PRPF19: variants seen among roughly 807,000 people sequenced by gnomAD.
The protein encoded by PRPF19 is pre-mRNA-processing factor 19.
A neutral mutation model predicts 64.2 loss-of-function variants in PRPF19; 2 were observed. The observed-to-expected ratio is 0.03, with a 90% CI of 0.01 to 0.10. The LOEUF (loss-of-function observed/expected upper bound fraction) is 0.10, where lower values mean the gene tolerates loss of function less well. PRPF19 is among the 10% of genes least tolerant of loss of function. The pLI, the probability that PRPF19 is intolerant of heterozygous loss-of-function variation, is 1.00. For missense variants in PRPF19, 314 were observed against 650.0 expected (o/e 0.48, Z 5.62); for synonymous variants, 226 against 251.6 (o/e 0.90, Z 0.96).
chr11:60,895,601 G>T (rs553458201), intron 15 of PRPF19, among the ~76,000 whole-genome samples: 1 of 152,268 alleles, frequency 6.6e-6, no homozygotes, highest in East Asian at 1.9e-4. Context: ...TTTCCTTCAA[G>T]AATTTTCCTT....
chr11:60,901,512 G>A lies in PRPF19; in HGVS notation c.554C>T (p.Thr185Met), dbSNP rs1412815826. The change falls in exon 7 of 16, where the codon ACG becomes ATG. Residue 185 changes from threonine to methionine, a missense_variant. Physicochemically the swap from Thr to Met is moderately conservative, Grantham distance 81. Around this residue, in one of 7 missense-constraint regions of PRPF19, gnomAD observed 175 missense variants for 342.9 expected, o/e 0.51. Coordinates refer to ENST00000227524, the MANE Select transcript of PRPF19 (RefSeq NM_014502.5). The stretch of plus-strand genomic sequence containing the variant: ...AAGAGAACTCACCTTCTTGCGCTCC[G>A]TGGTTAGCACAGTGGCTTTGTCTTG... ...KLQDKATVLT[T>M]ERKKRGKTVP... 8 of 1,614,184 alleles carry A rather than the reference G, an allele frequency of 5.0e-6. No homozygotes were observed. The highest frequency in any genetic ancestry group is 1.1e-5 in the South Asian group (1 of 91,084).
At chr11:60,894,818 C>T (rs766094345) in intron 15 of PRPF19, among the ~76,000 whole-genome samples, 6 of 152,140 alleles carry the variant, frequency 3.9e-5, no homozygotes, top group Admixed American at 6.5e-5. Context: ...ATCCATAAGC[C>T]GAAGATTGGA....
intron 15 of PRPF19, among the ~76,000 whole-genome samples, chr11:60,892,705 T>A (rs1224484397): frequency 6.6e-6 from 1 of 152,194 alleles, no homozygotes. Context: ...TCTGACCATG[T>A]CCTGCCCTCC....
rs1855855817 is a variant in PRPF19 at position 60,891,248 on chromosome 11, G to C, written c.1433C>G (p.Thr478Ser). ...ILHFTEHSGL[T>S]TGVAFGHHAK... ...GTGATGCCCGAAGGCCACCCCTGTGGTCAGGCCGCTATGCTCTGAGGAGAA... is the reference window on the plus strand; with the variant it reads ...GTGATGCCCGAAGGCCACCCCTGTGCTCAGGCCGCTATGCTCTGAGGAGAA... The change falls in exon 16 of 16, where the codon ACC becomes AGC. Residue 478 changes from threonine to serine, a missense_variant. By Grantham distance (58) the Thr-to-Ser change is moderately conservative (BLOSUM62 1). Around this residue, in one of 7 missense-constraint regions of PRPF19, gnomAD observed 47 missense variants for 94.5 expected, o/e 0.50. Coordinates refer to ENST00000227524, the MANE Select transcript of PRPF19 (RefSeq NM_014502.5). 6.2e-7 allele frequency: 1 copy of C among 1,613,496 alleles called. No individual in the cohort carries two copies. Among genetic ancestry groups the C allele is most frequent in the Admixed American group, 1.7e-5 (1 of 60,002 alleles).
chr11:60,895,248 C>G (rs1855907216), intron 15 of PRPF19, among the ~76,000 whole-genome samples: 1 of 152,208 alleles, frequency 6.6e-6, no homozygotes, highest in Admixed American at 6.5e-5. Flanking sequence ...TGAGTGTACC[C>G]ACCGTCAATG....
rs769796127 is a variant in PRPF19, at chr11:60,898,744, C to T, written c.1054+118G>A. 24 of 1,553,884 alleles carry T rather than the reference C, an allele frequency of 1.5e-5. No individual in the cohort carries two copies. Among genetic ancestry groups the T allele is most frequent in the Non-Finnish European group, 2.0e-5 (23 of 1,145,548 alleles). ...CAGTGAACCCAGCACAAAGCCCGCA[C>T]TAGACAGGTGCTCATGGTAAATATA... On this transcript the variant is annotated intron_variant, in intron 12 of 15. Transcript: ENST00000227524. The surrounding 1 kb of genome is among the most constrained non-coding windows in gnomAD (Gnocchi z 4.6).
intron 15 of PRPF19, among the ~76,000 whole-genome samples, chr11:60,896,665 CTG>C (rs1855925143): frequency 6.6e-6 from 1 of 152,210 alleles, no homozygotes; most frequent in African/African-American, 2.4e-5. Context: ...TCCCGAGTCA[CTG>C]TGAGTCAATT....
At chr11:60,903,559 G>A (rs1317973535) in intron 2 of PRPF19, 24 bp from the exon 3 acceptor site, 39 of 1,612,864 alleles carry the variant, frequency 2.4e-5, no homozygotes, top group Non-Finnish European at 2.8e-5. Context: ...AAGCAGGTAT[G>A]AAGAACATAA....
intron 15 of PRPF19, among the ~76,000 whole-genome samples, chr11:60,894,306 C>A (rs188812178): frequency 6.6e-6 from 1 of 152,356 alleles, no homozygotes; most frequent in Admixed American, 6.5e-5. Flanking sequence ...AAATTCTGCA[C>A]CTGCTTTATC....
chr11:60,902,815 G>A lies in PRPF19; in HGVS notation c.313C>T (p.His105Tyr). The A allele has an allele frequency of 6.2e-7, 1 of 1,614,200 alleles. No homozygotes were observed. Among genetic ancestry groups the A allele is most frequent in the Non-Finnish European group, 8.5e-7 (1 of 1,180,026 alleles). Residue 105 changes from histidine (H) to tyrosine (Y), a missense_variant, in exon 4 of 16, where the codon CAC becomes TAC. Physicochemically the swap from His to Tyr is moderately conservative, Grantham distance 83 (BLOSUM62 2). Coordinates refer to ENST00000227524, the MANE Select transcript of PRPF19 (RefSeq NM_014502.5). The surrounding 1 kb of genome is among the most constrained non-coding windows in gnomAD (Gnocchi z 5.0). ...GCGGCATCGTGCTGGTACAGAGCGT[G>A]TGACAGCTCTTGGCGGGTTGTCTGC... ...QLQTTRQELS[H>Y]ALYQHDAACR...
rs781554146 is a variant in PRPF19 at position 60,897,960 on chromosome 11, A to T, written c.1312-9T>A. On this transcript the variant is annotated splice_polypyrimidine_tract_variant and intron_variant, in intron 14 of 15. Transcript: ENST00000227524. ...AAGATCAGTGACTTTACCTGCCAGA[A>T]ATAGAAAGAGAGAAGGTCACACAAG... The T allele has an allele frequency of 1.6e-5, 26 of 1,613,886 alleles. No individual in the cohort carries two copies. Among genetic ancestry groups the T allele is most frequent in the Non-Finnish European group, 2.2e-5 (26 of 1,179,758 alleles).
At chr11:60,905,008 G>C (rs1856027971) in intron 1 of PRPF19, among the ~76,000 whole-genome samples, 1 of 152,166 alleles carries the variant, frequency 6.6e-6, no homozygotes, top group Non-Finnish European at 1.5e-5. Context: ...TTATCACCTG[G>C]AAGATTCCAA....
At chr11:60,894,107 T>C (rs1322713881) in intron 15 of PRPF19, among the ~76,000 whole-genome samples, 2 of 152,214 alleles carry the variant, frequency 1.3e-5, no homozygotes, top group Non-Finnish European at 2.9e-5. Context: ...TTGATGTCGA[T>C]GGCTGCTAAC....
chr11:60,898,842 G>A lies in PRPF19; in HGVS notation c.1054+20C>T, dbSNP rs1293925141. The A allele has an allele frequency of 6.4e-7, 1 of 1,573,440 alleles. No homozygotes were observed. ...AATAAACAGCAAACAAAAAAGCTGA[G>A]TGCCTATGAGGCAACTTACAGCAGC... On this transcript the variant is annotated intron_variant, in intron 12 of 15. Coordinates refer to ENST00000227524, the MANE Select transcript of PRPF19 (RefSeq NM_014502.5). This position sits in a 1 kb window ranked among gnomAD's most constrained non-coding sequence, Gnocchi z 4.6.
rs1294345765 is a variant in PRPF19, at chr11:60,902,166, T to C, written c.525+237A>G. 6.6e-6 allele frequency among the ~76,000 whole-genome samples: 1 copy of C among 152,238 alleles called. No homozygotes were observed. Among genetic ancestry groups the C allele is most frequent in the Non-Finnish European group, 1.5e-5 (1 of 68,042 alleles). ...CCTGCCTATACAGTGGATATGATCATATTCTCAGTTTAGAAGCTAGGGAAA... is the reference window on the plus strand; with the variant it reads ...CCTGCCTATACAGTGGATATGATCACATTCTCAGTTTAGAAGCTAGGGAAA... On this transcript the variant is annotated intron_variant, in intron 6 of 15. Transcript: ENST00000227524. The surrounding 1 kb of genome is among the most constrained non-coding windows in gnomAD (Gnocchi z 5.0).
rs528786785 is a variant in PRPF19, at chr11:60,897,345, T to C, written c.1417+501A>G. On this transcript the variant is annotated intron_variant, in intron 15 of 15. Transcript: ENST00000227524. Reference sequence around the variant, plus strand: ...TTATAGCAATAGTCTTGGCGTGTAGTAGGCTACACCATTTAGATATATGTA... The same window carrying C: ...TTATAGCAATAGTCTTGGCGTGTAGCAGGCTACACCATTTAGATATATGTA... Among the ~76,000 whole-genome samples the C allele has an allele frequency of 1.4e-3, 211 of 152,348 alleles. 3 individuals carry two copies. The highest frequency in any genetic ancestry group is 4.9e-3 in the African/African-American group (202 of 41,576).
At chr11:60,903,030 G>A in intron 3 of PRPF19, 149 bp from the exon 4 acceptor site, 3 of 1,361,370 alleles carry the variant, frequency 2.2e-6, no homozygotes, top group South Asian at 2.8e-5. Context: ...ACACGAATGT[G>A]CCGGCAGACA....
chr11:60,895,527 A>G (rs1855910324), intron 15 of PRPF19, among the ~76,000 whole-genome samples: 1 of 152,248 alleles, frequency 6.6e-6, no homozygotes, highest in African/African-American at 2.4e-5. Context: ...AACTTTCTCC[A>G]TATCAGCAAT....
intron 15 of PRPF19, among the ~76,000 whole-genome samples, chr11:60,896,685 T>C (rs1310522100): frequency 6.6e-6 from 1 of 152,248 alleles, no homozygotes; most frequent in African/African-American, 2.4e-5. Flanking sequence ...ATTAAACCTC[T>C]TTCCCTTATC....
Sources: gnomAD v4.1 joint callset for allele counts (sites outside exome capture counted in the v4.1 genomes callset) on GRCh38, gnomAD v4.1.1 for gene constraint, gnomAD v4.1.1 regional missense constraint, Gnocchi (gnomAD v3.1) non-coding constraint, MANE v1.5 for transcripts, NCBI Gene and HGNC (gene_info 2026-07-23, HGNC 2026-07-21) for gene names.